Variants in NAALADL2 observed in about 807,000 individuals in gnomAD.
NAALADL2 encodes inactive N-acetylated-alpha-linked acidic dipeptidase-like protein 2.
Under a neutral mutation model 87.2 loss-of-function variants are expected in NAALADL2, and 76 were observed. That is an observed-to-expected ratio of 0.87 (90% CI 0.72 to 1.05). The LOEUF (loss-of-function observed/expected upper bound fraction) is 1.05. Ranked by LOEUF, NAALADL2 falls within the 50% of genes least tolerant of loss-of-function variation. The pLI is 0.00. For missense variants in NAALADL2, 1,089 were observed against 945.8 expected (o/e 1.15, Z -1.99); for synonymous variants, 354 against 331.0 (o/e 1.07, Z -0.75).
chr3:175,537,301 A>G (rs191526967), intron 9 of NAALADL2, among the ~76,000 whole-genome samples: 142 of 152,304 alleles, frequency 9.3e-4, no homozygotes, highest in African/African-American at 2.8e-3. Context: ...TACAGAAGAG[A>G]TAACCTATGA....
chr3:175,178,816 T>C (rs150097846), intron 2 of NAALADL2, among the ~76,000 whole-genome samples: 3 of 150,728 alleles, frequency 2.0e-5, no homozygotes, highest in East Asian at 3.9e-4. Flanking sequence ...TTGGAAGAGA[T>C]AGAAATGTTT....
intron 3 of NAALADL2, 27 bp from the exon 4 acceptor site, chr3:175,256,384 T>C (rs777005252): frequency 6.3e-7 from 1 of 1,586,124 alleles, no homozygotes; most frequent in South Asian, 1.2e-5. Flanking sequence ...GAGGCTTTAT[T>C]TTTCTTTGTT....
chr3:175,234,036 C>T lies in NAALADL2; in HGVS notation c.651C>T (p.Tyr217=). 1.2e-6 allele frequency: 2 copies of T among 1,613,916 alleles called. No individual in the cohort carries two copies. The highest frequency in any genetic ancestry group is 1.7e-6 in the Non-Finnish European group (2 of 1,179,846). Residue 217 remains tyrosine, a synonymous_variant, in exon 3 of 14, where the codon TAC becomes TAT. Transcript: ENST00000454872. ...TAGAAGATGTACAGTTTGTAAATTA[C>T]TCTGTGCTGCTTGATCTGCCAGGCC... ...LGLEDVQFVN[Y]SVLLDLPGPS...
At chr3:175,331,699 T>G (rs1277872062) in intron 5 of NAALADL2, among the ~76,000 whole-genome samples, 1 of 152,170 alleles carries the variant, frequency 6.6e-6, no homozygotes, top group Non-Finnish European at 1.5e-5. Flanking sequence ...GAAAAAGACA[T>G]GGATGTCCAC....
At chr3:175,491,011 G>A (rs1727991504) in intron 9 of NAALADL2, among the ~76,000 whole-genome samples, 1 of 152,020 alleles carries the variant, frequency 6.6e-6, no homozygotes, top group South Asian at 2.1e-4. Flanking sequence ...TGAACACAAG[G>A]ATGGATAGAG....
intron 2 of NAALADL2, among the ~76,000 whole-genome samples, chr3:174,603,834 G>T (rs912819145): frequency 6.6e-6 from 1 of 151,886 alleles, no homozygotes; most frequent in Non-Finnish European, 1.5e-5. Flanking sequence ...GGCCATTCAG[G>T]AGTGTATTAT....
intron 11 of NAALADL2, chr3:175,676,636 AT>A (rs1019957747): frequency 2.0e-5 from 3 of 149,894 alleles, no homozygotes; most frequent in Admixed American, 6.7e-5. Context: ...TGTGCTCTTG[AT>A]TAAAAAAAAA....
intron 2 of NAALADL2, among the ~76,000 whole-genome samples, chr3:174,633,191 T>C (rs1722318958): frequency 6.6e-6 from 1 of 151,938 alleles, no homozygotes; most frequent in African/African-American, 2.4e-5. Flanking sequence ...AAAAAAACAG[T>C]CTTAAAATCT....
At chr3:175,264,598 A>C (rs866931580) in intron 4 of NAALADL2, among the ~76,000 whole-genome samples, 3 of 151,800 alleles carry the variant, frequency 2.0e-5, no homozygotes, top group East Asian at 1.9e-4. Context: ...CAGAAAAAAA[A>C]CTGAAGTCTT....
At chr3:174,887,567 G>T (rs188399057) in intron 1 of NAALADL2, among the ~76,000 whole-genome samples, 205 of 152,194 alleles carry the variant, frequency 1.3e-3, no homozygotes, top group African/African-American at 4.8e-3. Flanking sequence ...ATCTGAGGTG[G>T]GAGGATTGCT....
intron 5 of NAALADL2, among the ~76,000 whole-genome samples, chr3:175,390,953 GA>G (rs1684454873): frequency 6.6e-6 from 1 of 152,144 alleles, no homozygotes; most frequent in Non-Finnish European, 1.5e-5. Context: ...GGCAACACCA[GA>G]TAATTGTTAC....
chr3:174,554,401 G>A (rs113278362), intron 2 of NAALADL2, among the ~76,000 whole-genome samples: 3 of 151,912 alleles, frequency 2.0e-5, no homozygotes, highest in African/African-American at 7.2e-5. Context: ...AGTGCTTATT[G>A]TTGAACATCG....
intron 2 of NAALADL2, among the ~76,000 whole-genome samples, chr3:174,657,346 G>A (rs574543528): frequency 2.6e-5 from 4 of 152,004 alleles, no homozygotes; most frequent in African/African-American, 7.2e-5. Flanking sequence ...TAGTAGAGAC[G>A]GGGCTTCACC....
chr3:175,344,897 A>G (rs1192222556), intron 5 of NAALADL2, among the ~76,000 whole-genome samples: 1 of 152,182 alleles, frequency 6.6e-6, no homozygotes, highest in East Asian at 1.9e-4. Flanking sequence ...AATGATGTAC[A>G]TATTTTTATT....
intron 11 of NAALADL2, among the ~76,000 whole-genome samples, chr3:175,725,259 A>G (rs955649597): frequency 6.6e-5 from 10 of 152,214 alleles, no homozygotes; most frequent in East Asian, 5.8e-4. Flanking sequence ...TTCTATGACT[A>G]ATTGATTTGG....
At chr3:175,508,420 G>A (rs77408996) in intron 9 of NAALADL2, among the ~76,000 whole-genome samples, 3,563 of 152,130 alleles carry the variant, frequency 0.023, 112 homozygotes, top group African/African-American at 0.08. Context: ...AAACACCTCA[G>A]CTCCTCAGAC....
chr3:175,580,736 C>T (rs1719644613), intron 10 of NAALADL2, among the ~76,000 whole-genome samples: 3 of 152,064 alleles, frequency 2.0e-5, no homozygotes, highest in Non-Finnish European at 4.4e-5. Context: ...AGATCATTAT[C>T]TTTCTTTGTA....
At chr3:175,270,519 A>G (rs770292302) in intron 4 of NAALADL2, among the ~76,000 whole-genome samples, 9 of 152,200 alleles carry the variant, frequency 5.9e-5, no homozygotes, top group Non-Finnish European at 1.2e-4. Flanking sequence ...ATTTGTTCCC[A>G]ACCAGAGTGC....
intron 2 of NAALADL2, among the ~76,000 whole-genome samples, chr3:174,647,552 T>C (rs1246327811): frequency 1.3e-5 from 2 of 152,190 alleles, no homozygotes; most frequent in Admixed American, 6.5e-5. Flanking sequence ...TTGTTTTTAA[T>C]GTTGGCAACT....
Sources: gnomAD v4.1 joint callset for allele counts (sites outside exome capture counted in the v4.1 genomes callset) on GRCh38, gnomAD v4.1.1 for gene constraint, MANE v1.5 for transcripts, NCBI Gene and HGNC (gene_info 2026-07-23, HGNC 2026-07-21) for gene names.